Variants in NENF observed in about 807,000 individuals in gnomAD.
NENF encodes neudesin neurotrophic factor.
NENF carries 6 observed loss-of-function variants against 14.8 expected under a neutral mutation model. The ratio of observed to expected loss-of-function variants is 0.40; its 90% CI spans 0.22 to 0.80. The LOEUF (loss-of-function observed/expected upper bound fraction) is 0.80, where lower values mean the gene tolerates loss of function less well. NENF is among the 30% of genes least tolerant of loss of function. The pLI is 0.34. For missense variants in NENF, 184 were observed against 212.7 expected (o/e 0.87, Z 0.84); for synonymous variants, 76 against 95.1 (o/e 0.80, Z 1.17).
At chr1:212,444,501 C>G (rs1457587290) in intron 3 of NENF, 59 bp downstream of exon 3, 2 of 1,087,976 alleles carry the variant, frequency 1.8e-6, no homozygotes, top group Non-Finnish European at 2.6e-6. Flanking sequence ...GCCTTTTTCT[C>G]TTTTTCTTTT....
intron 2 of NENF, 57 bp from the exon 3 acceptor site, chr1:212,444,282 C>T (rs1662741124): frequency 2.4e-6 from 3 of 1,249,426 alleles, no homozygotes; most frequent in Admixed American, 2.3e-5. Context: ...CGTGCAAGCT[C>T]CTGGTTACTC....
Position 212,440,251 on chromosome 1 carries a change from C to CA in NENF, c.178-2299dup, listed in dbSNP as rs371489983. On this transcript the variant is annotated intron_variant, in intron 1 of 3. Coordinates refer to ENST00000366988, the MANE Select transcript of NENF (RefSeq NM_013349.5). ...TGGGTGACAGAGTAAGACTCTGTCTCAAAAAAAAAAAAAAAGGAAAAAGAA... is the reference window on the plus strand; with the variant it reads ...TGGGTGACAGAGTAAGACTCTGTCTCAAAAAAAAAAAAAAAAGGAAAAAGAA... Among the ~76,000 whole-genome samples the CA allele has an allele frequency of 2.2e-3, 194 of 86,850 alleles. 3 individuals carry two copies. The highest frequency in any genetic ancestry group is 3.3e-3 in the East Asian group (9 of 2,708). 57.0% of individuals were successfully genotyped at this position (86,850 alleles called of 152,430 possible). A position where few individuals can be genotyped will look rare whatever the true frequency, so the allele number is the denominator to read the frequency against.
At chr1:212,441,464 A>G (rs1662696988) in intron 1 of NENF, among the ~76,000 whole-genome samples, 2 of 152,128 alleles carry the variant, frequency 1.3e-5, no homozygotes, top group Middle Eastern at 6.8e-3. Flanking sequence ...TAGCTAAACA[A>G]ATAGGTAGAC....
intron 1 of NENF, among the ~76,000 whole-genome samples, chr1:212,434,233 A>G (rs1662569866): frequency 6.6e-6 from 1 of 152,090 alleles, no homozygotes; most frequent in South Asian, 2.1e-4. Context: ...TTTTGCCGGT[A>G]GCAGAGGGAA....
At chr1:212,437,234 GA>G (rs1662614263) in intron 1 of NENF, among the ~76,000 whole-genome samples, 1 of 152,104 alleles carries the variant, frequency 6.6e-6, no homozygotes. Context: ...CTTGATGACA[GA>G]ACCTTGTTGG....
intron 1 of NENF, among the ~76,000 whole-genome samples, chr1:212,439,862 C>A (rs541685548): frequency 1.3e-5 from 2 of 150,786 alleles, no homozygotes; most frequent in Non-Finnish European, 3.0e-5. Flanking sequence ...TCCGTCCCCC[C>A]CCCACAAAAA....
intron 1 of NENF, among the ~76,000 whole-genome samples, chr1:212,438,823 G>A (rs906584343): frequency 7.9e-5 from 12 of 152,014 alleles, no homozygotes; most frequent in African/African-American, 2.9e-4. Context: ...CACCATGTTG[G>A]CCAGGCTGGT....
chr1:212,434,206 G>A (rs1387377166), intron 1 of NENF, among the ~76,000 whole-genome samples: 1 of 152,172 alleles, frequency 6.6e-6, no homozygotes, highest in African/African-American at 2.4e-5. Context: ...GGGATGTGAG[G>A]ATGTTAAGGG....
chr1:212,435,040 C>T (rs925652799), intron 1 of NENF: 1 of 152,216 alleles, frequency 6.6e-6, no homozygotes, highest in African/African-American at 2.4e-5. Context: ...GTTGTTTGAC[C>T]TAGATTGTTC....
At chr1:212,444,304 C>A in intron 2 of NENF, 35 bp from the exon 3 acceptor site, 3 of 1,462,894 alleles carry the variant, frequency 2.1e-6, no homozygotes, top group Non-Finnish European at 1.9e-6. Flanking sequence ...GCATGTAAAC[C>A]CACGCTTACG....
chr1:212,444,144 A>C (rs1186345364), intron 2 of NENF, among the ~76,000 whole-genome samples, 195 bp from the exon 3 acceptor site: 1 of 152,200 alleles, frequency 6.6e-6, no homozygotes, highest in Admixed American at 6.5e-5. Flanking sequence ...CTTACTTCAC[A>C]TTTAGAGTAA....
Position 212,433,062 on chromosome 1 carries a change from G to A in NENF, c.119G>A (p.Arg40Gln). 8.4e-7 allele frequency: 1 copy of A among 1,192,430 alleles called. No homozygotes were observed. The allele number at this position is 1,192,430 out of a possible 1,614,324, so 73.9% of individuals were successfully genotyped here. Residue 40 changes from arginine (R) to glutamine (Q), a missense_variant, in exon 1 of 4, where the codon CGG becomes CAG. Coordinates refer to ENST00000366988, the MANE Select transcript of NENF (RefSeq NM_013349.5). The surrounding 1 kb of genome is among the most constrained non-coding windows in gnomAD (Gnocchi z 5.5). The stretch of plus-strand genomic sequence containing the variant: ...GGGCAGACACCGCGCCCTGCCGAGC[G>A]GGGGCCCCCAGTGCGGCTTTTCACC... ...RAGQTPRPAE[R>Q]GPPVRLFTEE...
At chr1:212,439,251 T>C (rs899270419) in intron 1 of NENF, among the ~76,000 whole-genome samples, 2 of 151,950 alleles carry the variant, frequency 1.3e-5, no homozygotes, top group African/African-American at 2.4e-5. Context: ...AAAAGGAGAT[T>C]GCTGGGTGCA....
In NENF at chr1:212,446,057, A is replaced by G; in HGVS notation, c.*51A>G. The G allele has an allele frequency of 6.3e-7, 1 of 1,593,848 alleles. No individual in the cohort carries two copies. The highest frequency in any genetic ancestry group is 1.3e-5 in the African/African-American group (1 of 74,564). On this transcript the variant is annotated 3_prime_UTR_variant, in exon 4 of 4. Coordinates refer to ENST00000366988, the MANE Select transcript of NENF (RefSeq NM_013349.5). Reference sequence around the variant, plus strand: ...TGGGAGCGTGAGGCAGGAAGACACTAGGTGCTGAATCTCCTGCAAAACTGG... The same window carrying G: ...TGGGAGCGTGAGGCAGGAAGACACTGGGTGCTGAATCTCCTGCAAAACTGG...
intron 2 of NENF, 134 bp from the exon 3 acceptor site, chr1:212,444,205 T>G: frequency 2.1e-6 from 1 of 469,854 alleles, no homozygotes; most frequent in Non-Finnish European, 3.7e-6. Flanking sequence ...TGTATCGCCA[T>G]TGTTTGGCCT....
At chr1:212,442,310 C>A (rs1407694990) in intron 1 of NENF, among the ~76,000 whole-genome samples, 1 of 152,244 alleles carries the variant, frequency 6.6e-6, no homozygotes, top group Non-Finnish European at 1.5e-5. Flanking sequence ...CTGTGCCTGG[C>A]CCCTGATTTT....
chr1:212,440,549 G>A (rs907389762), intron 1 of NENF, among the ~76,000 whole-genome samples: 13 of 152,086 alleles, frequency 8.5e-5, no homozygotes, highest in African/African-American at 2.9e-4. Context: ...AGTCCTCTAG[G>A]GCCTGTCTTT....
At chr1:212,439,732 C>T (rs1256918847) in intron 1 of NENF, among the ~76,000 whole-genome samples, 1 of 146,936 alleles carries the variant, frequency 6.8e-6, no homozygotes, top group African/African-American at 2.5e-5. Flanking sequence ...TGGTGACACA[C>T]GTCTGTAATC....
At chr1:212,440,918 G>T (rs1223222621) in intron 1 of NENF, among the ~76,000 whole-genome samples, 2 of 152,292 alleles carry the variant, frequency 1.3e-5, no homozygotes, top group East Asian at 3.9e-4. Flanking sequence ...TCCCACCCTC[G>T]CCTGGGCTGT....
Sources: allele counts gnomAD v4.1 joint callset (sites outside exome capture counted in the v4.1 genomes callset), GRCh38; gene constraint gnomAD v4.1.1; non-coding constraint Gnocchi (gnomAD v3.1); transcripts MANE v1.5; gene names NCBI Gene and HGNC (gene_info 2026-07-23, HGNC 2026-07-21).